CDH11: variants seen among roughly 807,000 people sequenced by gnomAD.
CDH11 encodes the protein cadherin-11.
In CDH11, 11 loss-of-function variants were observed where a neutral mutation model predicts 67.8. The ratio of observed to expected loss-of-function variants is 0.16; its 90% CI spans 0.10 to 0.27. The LOEUF is 0.27. Ranked by LOEUF, CDH11 falls within the 10% of genes least tolerant of loss-of-function variation. The pLI, the probability that CDH11 is intolerant of heterozygous loss-of-function variation, is 1.00. For synonymous variants in CDH11, 419 were observed against 400.0 expected (o/e 1.05, Z -0.57); for missense variants, 847 against 1,031.2 (o/e 0.82, Z 2.45).
intron 2 of CDH11, among the ~76,000 whole-genome samples, chr16:65,033,237 A>AACACACACACACACACAC (rs57645922): frequency 5.9e-4 from 83 of 139,608 alleles, no homozygotes; most frequent in African/African-American, 1.5e-3. Flanking sequence ...AAACTAGGAA[A>AACACACACACACACACAC]ACACACACAC....
intron 11 of CDH11, among the ~76,000 whole-genome samples, chr16:64,965,621 A>G (rs1354653965): frequency 1.3e-5 from 2 of 152,144 alleles, no homozygotes; most frequent in East Asian, 3.9e-4. Flanking sequence ...TTTTTGATAA[A>G]TAGAATGAGT....
chr16:65,092,421 G>A (rs1421483787), intron 1 of CDH11, among the ~76,000 whole-genome samples: 1 of 152,144 alleles, frequency 6.6e-6, no homozygotes, highest in East Asian at 1.9e-4. Flanking sequence ...ATCCCATTCA[G>A]CCCAGGGAGA....
chr16:65,004,366 C>G (rs910445081), intron 3 of CDH11, among the ~76,000 whole-genome samples: 1 of 152,098 alleles, frequency 6.6e-6, no homozygotes. Flanking sequence ...GAGAGAGACC[C>G]CATATCTAAA....
At position 64,973,000 on chromosome 16, in the gene CDH11, T is replaced by C. The variant is rs369210864; in HGVS notation, c.1294A>G (p.Thr432Ala). ...ATAAAACCATCCTCTGGATTAATAG[T>C]GAAAAATCTGTCGAGGTCAGTGTGA... ...DRHTDLDRFFTINPEDGFIKT... is the reference protein window; with the variant it reads ...DRHTDLDRFFAINPEDGFIKT... Residue 432 changes from threonine (T) to alanine (A), a missense_variant, in exon 9 of 13, where the codon ACT becomes GCT. Around this residue, in one of 2 missense-constraint regions of CDH11, gnomAD observed 612 missense variants for 678.7 expected, o/e 0.90. Transcript: ENST00000268603. The C allele has an allele frequency of 2.0e-5, 33 of 1,613,764 alleles. No homozygotes were observed. In the African/African-American group the frequency reaches 4.0e-4, roughly 20 times the overall value.
At chr16:65,006,120 C>T (rs372911892) in intron 2 of CDH11, among the ~76,000 whole-genome samples, 1 of 152,156 alleles carries the variant, frequency 6.6e-6, no homozygotes, top group African/African-American at 2.4e-5. Context: ...TCTCTTAGAA[C>T]CATACATTTG....
chr16:65,024,040 T>C (rs1251073780), intron 2 of CDH11, among the ~76,000 whole-genome samples: 2 of 152,202 alleles, frequency 1.3e-5, no homozygotes, highest in Non-Finnish European at 2.9e-5. Context: ...CTGGTTGGAA[T>C]GCCTCTGACA....
intron 2 of CDH11, among the ~76,000 whole-genome samples, chr16:65,049,823 G>C (rs1368647265): frequency 6.6e-6 from 1 of 152,172 alleles, no homozygotes; most frequent in African/African-American, 2.4e-5. Context: ...GATACAGACA[G>C]ACACTTGGCC....
intron 2 of CDH11, among the ~76,000 whole-genome samples, chr16:65,032,447 G>A (rs1048102017): frequency 3.9e-5 from 6 of 151,980 alleles, no homozygotes; most frequent in South Asian, 4.2e-4. Context: ...CCAACATTGC[G>A]CCACTACACT....
chr16:64,983,352 T>C (rs1252440552), intron 7 of CDH11: 1 of 152,156 alleles, frequency 6.6e-6, no homozygotes, highest in Non-Finnish European at 1.5e-5. Context: ...GAAAGTAACA[T>C]TGTAGCAGAG....
intron 1 of CDH11, among the ~76,000 whole-genome samples, chr16:65,085,691 A>G (rs1470417001): frequency 6.6e-6 from 1 of 152,210 alleles, no homozygotes; most frequent in Non-Finnish European, 1.5e-5. Context: ...TTTAGACACT[A>G]TAATTACTCA....
At chr16:65,122,744 C>G (rs527377068), upstream of CDH11, among the ~76,000 whole-genome samples, 1 of 152,124 alleles carries the variant, frequency 6.6e-6, no homozygotes, top group Non-Finnish European at 1.5e-5. Context: ...AGCCCAGTCT[C>G]CGTTCTCTCT....
chr16:65,009,260 A>C (rs758034844), intron 2 of CDH11, among the ~76,000 whole-genome samples: 21 of 152,206 alleles, frequency 1.4e-4, no homozygotes, highest in Non-Finnish European at 2.4e-4. Context: ...AACCAAAAAG[A>C]AAGAAAAAGC....
At chr16:64,969,319 T>A (rs747214172) in intron 11 of CDH11, among the ~76,000 whole-genome samples, 18 of 152,244 alleles carry the variant, frequency 1.2e-4, no homozygotes, top group Non-Finnish European at 2.6e-4. Context: ...CAGGGAAAGC[T>A]TAGTAAAGGT....
chr16:65,020,587 C>T (rs1010753483), intron 2 of CDH11, among the ~76,000 whole-genome samples: 3 of 152,154 alleles, frequency 2.0e-5, no homozygotes, highest in African/African-American at 7.2e-5. Flanking sequence ...TGCCTTGGCT[C>T]TCAAAGTGTT....
At chr16:65,065,917 T>A (rs1421858179) in intron 1 of CDH11, among the ~76,000 whole-genome samples, 1 of 152,242 alleles carries the variant, frequency 6.6e-6, no homozygotes, top group Non-Finnish European at 1.5e-5. Context: ...GATTGTTGCA[T>A]AGATAACCCC....
At chr16:65,098,618 G>A (rs1470497071) in intron 1 of CDH11, among the ~76,000 whole-genome samples, 1 of 151,882 alleles carries the variant, frequency 6.6e-6, no homozygotes, top group Admixed American at 6.6e-5. Flanking sequence ...CTTCCACCTT[G>A]GCCTCACAAG....
intron 1 of CDH11, among the ~76,000 whole-genome samples, chr16:65,062,648 TGAAGACA>T (rs2074250993): frequency 6.6e-6 from 1 of 152,226 alleles, no homozygotes. Context: ...GCACTTACTC[TGAAGACA>T]CAAGCTGTAC....
In CDH11 at chr16:64,946,090, C is replaced by G; in HGVS notation, c.*1513G>C. On this transcript the variant is annotated 3_prime_UTR_variant, in exon 13 of 13. Coordinates refer to ENST00000268603, the MANE Select transcript of CDH11 (RefSeq NM_001797.4). ...ACCAAATGGCATCGACTCTCAGAATCCAAAATGGTCCCTGCCCTCATTCTG... is the reference window on the plus strand; with the variant it reads ...ACCAAATGGCATCGACTCTCAGAATGCAAAATGGTCCCTGCCCTCATTCTG... The G allele has an allele frequency of 9.5e-7, 1 of 1,058,012 alleles. No individual in the cohort carries two copies. The highest frequency in any genetic ancestry group is 1.6e-5 in the African/African-American group (1 of 60,774). 65.5% of individuals were successfully genotyped at this position (1,058,012 alleles called of 1,614,324 possible).
intron 3 of CDH11, among the ~76,000 whole-genome samples, chr16:65,001,654 A>G (rs1361809311): frequency 6.6e-6 from 1 of 152,218 alleles, no homozygotes; most frequent in East Asian, 1.9e-4. Flanking sequence ...TAAAAATTTA[A>G]CAAAACATTT....
Sources: allele counts gnomAD v4.1 joint callset (sites outside exome capture counted in the v4.1 genomes callset), GRCh38; gene constraint gnomAD v4.1.1; regional missense constraint gnomAD v4.1.1; transcripts MANE v1.5; gene names NCBI Gene and HGNC (gene_info 2026-07-23, HGNC 2026-07-21).